PHF24: variants seen among roughly 807,000 people sequenced by gnomAD.
PHF24 encodes PHD finger protein 24, also known as Galpha inhibitory interacting protein.
Under a neutral mutation model 42.6 loss-of-function variants are expected in PHF24, and 25 were observed. The ratio of observed to expected loss-of-function variants is 0.59; its 90% CI spans 0.43 to 0.82. The LOEUF (loss-of-function observed/expected upper bound fraction) is 0.82. Among genes scored for constraint, PHF24 ranks in the 40% least tolerant of loss-of-function variants. The pLI is 0.00. For missense variants in PHF24, 470 were observed against 538.1 expected, an observed-to-expected ratio of 0.87 and a Z score of 1.25; for synonymous variants, 185 against 204.8, an observed-to-expected ratio of 0.90 and a Z score of 0.83.
chr9:34,908,967 C>T, the PHF24 span, among the ~76,000 whole-genome samples: 1 of 151,902 alleles, frequency 6.6e-6, no homozygotes, highest in Non-Finnish European at 1.5e-5. Flanking sequence ...CCTGCCTCAG[C>T]CTCCCAAGTA....
chr9:34,837,833 T>A, the PHF24 span: 1 of 657,438 alleles, frequency 1.5e-6, no homozygotes, highest in Non-Finnish European at 2.7e-6. Context: ...CTGGATTTTC[T>A]TTGCCTATTC....
At chr9:34,757,832 T>C in the PHF24 span, among the ~76,000 whole-genome samples, 2 of 152,252 alleles carry the variant, frequency 1.3e-5, no homozygotes, top group South Asian at 2.1e-4. Flanking sequence ...TGCATATATA[T>C]GCACATGGTG....
chr9:34,803,180 G>A, the PHF24 span, among the ~76,000 whole-genome samples: 1 of 152,166 alleles, frequency 6.6e-6, no homozygotes, highest in Non-Finnish European at 1.5e-5. Flanking sequence ...TGCCAATCAA[G>A]AATCACGTTC....
the PHF24 span, among the ~76,000 whole-genome samples, chr9:34,818,647 C>G: frequency 3.3e-5 from 5 of 152,052 alleles, no homozygotes; most frequent in Non-Finnish European, 7.3e-5. Context: ...TTGTAATTTG[C>G]CTCTTTTAGC....
chr9:34,778,029 C>T, the PHF24 span, among the ~76,000 whole-genome samples: 6 of 152,190 alleles, frequency 3.9e-5, no homozygotes, highest in African/African-American at 9.7e-5. Flanking sequence ...TCTGGCCAAT[C>T]GGGCTGCCAT....
Position 34,977,256 on chromosome 9 carries a change from C to G in PHF24, c.1010+13C>G. 1 of 1,588,372 alleles carries G rather than the reference C, an allele frequency of 6.3e-7. No individual in the cohort carries two copies. The highest frequency in any genetic ancestry group is 1.7e-5 in the Admixed American group (1 of 57,556). On this transcript the variant is annotated intron_variant, in intron 6 of 7. Coordinates refer to ENST00000242315, the Ensembl canonical transcript of PHF24. ...CCTGCAGTGTCAGGTCTGCTCCTTACCAGTCCTGGTCCCCACTCAGCCTCT... is the reference window on the plus strand; with the variant it reads ...CCTGCAGTGTCAGGTCTGCTCCTTAGCAGTCCTGGTCCCCACTCAGCCTCT...
At chr9:34,941,813 T>A in the PHF24 span, among the ~76,000 whole-genome samples, 13 of 152,166 alleles carry the variant, frequency 8.5e-5, no homozygotes, top group African/African-American at 3.1e-4. Context: ...TCTACCCTCA[T>A]GATCTAATCA....
chr9:34,720,996 A>G, the PHF24 span, among the ~76,000 whole-genome samples: 1 of 152,064 alleles, frequency 6.6e-6, no homozygotes. Flanking sequence ...GTCCCTTCCC[A>G]GGTCCTCACT....
At chr9:34,698,347 A>G in the PHF24 span, among the ~76,000 whole-genome samples, 1 of 152,204 alleles carries the variant, frequency 6.6e-6, no homozygotes, top group Non-Finnish European at 1.5e-5. Context: ...GCTGAAAAAT[A>G]GTCATCTAGG....
the PHF24 span, among the ~76,000 whole-genome samples, chr9:34,780,298 C>CTTTTTTTTTTTTTTTTTTTTTTTTT: frequency 3.1e-4 from 20 of 63,896 alleles, no homozygotes; most frequent in East Asian, 6.3e-4. Flanking sequence ...TTCTTTTTTT[C>CTTTTTTTTTTTTTTTTTTTTTTTTT]TTTTTTTTTT....
At chr9:34,704,819 A>G in the PHF24 span, among the ~76,000 whole-genome samples, 1 of 152,220 alleles carries the variant, frequency 6.6e-6, no homozygotes, top group African/African-American at 2.4e-5. Flanking sequence ...TGGGTGACAG[A>G]GCAAGACCCT....
the PHF24 span, among the ~76,000 whole-genome samples, chr9:34,876,036 T>C: frequency 6.7e-6 from 1 of 150,086 alleles, no homozygotes; most frequent in Admixed American, 6.7e-5. Flanking sequence ...CCATGGACTT[T>C]TAAAAAGAAT....
chr9:34,685,137 A>G, the PHF24 span, among the ~76,000 whole-genome samples: 3 of 152,002 alleles, frequency 2.0e-5, no homozygotes, highest in Non-Finnish European at 4.4e-5. Context: ...TGCCGATCAG[A>G]CGCCTGGCCC....
At chr9:34,702,929 C>T in the PHF24 span, among the ~76,000 whole-genome samples, 3 of 152,158 alleles carry the variant, frequency 2.0e-5, no homozygotes, top group Non-Finnish European at 2.9e-5. Flanking sequence ...ATGACTTTAA[C>T]AAAACAGCAT....
At chr9:34,977,152 A>T (rs1423706674) in exon 6 of PHF24, 1 of 1,613,796 alleles carries the variant, frequency 6.2e-7, no homozygotes. Context: ...GGCTCGGGGC[A>T]GTGGGAGCAC....
chr9:34,941,129 T>C, the PHF24 span, among the ~76,000 whole-genome samples: 1 of 152,174 alleles, frequency 6.6e-6, no homozygotes, highest in Non-Finnish European at 1.5e-5. Context: ...TACCCTTGGT[T>C]CCTAGACGCA....
the PHF24 span, among the ~76,000 whole-genome samples, chr9:34,928,216 C>A: frequency 0.023 from 2,514 of 108,668 alleles, no homozygotes; most frequent in Middle Eastern, 0.05. Context: ...GACTCTGTCT[C>A]AAAAAAAAAA....
the PHF24 span, among the ~76,000 whole-genome samples, chr9:34,811,095 TAAC>T: frequency 6.6e-6 from 1 of 152,212 alleles, no homozygotes; most frequent in African/African-American, 2.4e-5. Context: ...ATGTAACTCT[TAAC>T]AACAGCTTTG....
chr9:34,735,663 G>A, the PHF24 span, among the ~76,000 whole-genome samples: 36 of 150,494 alleles, frequency 2.4e-4, no homozygotes, highest in Admixed American at 9.9e-4. Context: ...GCTGGGCGCG[G>A]TGGCAGATGC....
Sources: gnomAD v4.1 joint callset for allele counts (sites outside exome capture counted in the v4.1 genomes callset) on GRCh38, gnomAD v4.1.1 for gene constraint, MANE v1.5 for transcripts, NCBI Gene and HGNC (gene_info 2026-07-23, HGNC 2026-07-21) for gene names.